Variants in SHLD2 observed in about 807,000 individuals in gnomAD.
The protein encoded by SHLD2 is shieldin complex subunit 2.
Under a neutral mutation model 73.2 loss-of-function variants are expected in SHLD2, and 30 were observed. The ratio of observed to expected loss-of-function variants is 0.41; its 90% confidence interval spans 0.31 to 0.56. The LOEUF is 0.56. SHLD2 is among the 20% of genes least tolerant of loss of function. The pLI is 0.28. For missense variants in SHLD2, 745 were observed against 1,055.9 expected (o/e 0.71, Z 4.08); for synonymous variants, 285 against 370.1 (o/e 0.77, Z 2.64).
intron 2 of SHLD2, chr10:87,115,184 G>A (rs1843169699): frequency 6.6e-6 from 1 of 152,248 alleles, no homozygotes; most frequent in Non-Finnish European, 1.5e-5. Flanking sequence ...AGAGTAGCTG[G>A]TATTACAGGC....
intron 2 of SHLD2, among the ~76,000 whole-genome samples, chr10:87,131,037 A>C (rs1253906427): frequency 6.6e-6 from 1 of 152,138 alleles, no homozygotes; most frequent in Non-Finnish European, 1.5e-5. Flanking sequence ...ACTGTACTCC[A>C]TCCTGGGTGA....
At chr10:87,156,585 G>T (rs528786300) in intron 3 of SHLD2, among the ~76,000 whole-genome samples, 2 of 152,262 alleles carry the variant, frequency 1.3e-5, no homozygotes, top group African/African-American at 4.8e-5. Flanking sequence ...AGGAGCTGGG[G>T]CATGTCAGTG....
At chr10:87,127,535 C>CCCCCCG (rs943625059) in intron 2 of SHLD2, among the ~76,000 whole-genome samples, 4,179 of 71,206 alleles carry the variant, frequency 0.059, 257 homozygotes, top group Middle Eastern at 0.11. Flanking sequence ...ACCCGCCCCC[C>CCCCCCG]CCCACCCCGT....
intron 4 of SHLD2, 34 bp downstream of exon 4, chr10:87,158,189 T>C (rs549293304): frequency 3.1e-6 from 5 of 1,593,006 alleles, no homozygotes; most frequent in East Asian, 4.5e-5. Flanking sequence ...AATGTAGTAG[T>C]GTTTAAAGTA....
At chr10:87,156,316 C>T (rs1238346065) in intron 3 of SHLD2, among the ~76,000 whole-genome samples, 13 of 152,098 alleles carry the variant, frequency 8.5e-5, no homozygotes, top group African/African-American at 1.7e-4. Context: ...CTGCCCACCT[C>T]GGCCTCCCAA....
rs762408418 is a variant in SHLD2, at chr10:87,180,132, A to G, written c.2228A>G (p.Gln743Arg). The change falls in exon 8 of 10, where the codon CAG (glutamine) becomes CGG (arginine). Residue 743 changes from glutamine to arginine, a missense_variant. This residue lies in a region of SHLD2 where 418 missense variants were observed against 567.8 expected (regional missense o/e 0.74). Transcript: ENST00000298786. ...CTGGCATTTCCTATTACAGCATCTC[A>G]GAAGATAGCGCTAAATGCTCACAGT... ...SELAFPITAS[Q>R]KIALNAHSSL... 1.2e-5 allele frequency: 20 copies of G among 1,613,798 alleles called. No individual in the cohort carries two copies. In the East Asian group the frequency reaches 4.5e-4, roughly 36 times the overall value.
intron 4 of SHLD2, among the ~76,000 whole-genome samples, chr10:87,160,340 T>A (rs1039726155): frequency 5.3e-5 from 8 of 151,912 alleles, no homozygotes; most frequent in Non-Finnish European, 1.0e-4. Flanking sequence ...TACGGAAAAA[T>A]TAGCCAGGTG....
chr10:87,170,443 A>G (rs1168337478), intron 4 of SHLD2, 35 bp from the exon 5 acceptor site: 3 of 1,387,762 alleles, frequency 2.2e-6, no homozygotes, highest in Non-Finnish European at 2.9e-6. Context: ...TAATGTTGCC[A>G]TCTTTTGTCT....
At chr10:87,165,580 A>G (rs1847141175) in intron 4 of SHLD2, among the ~76,000 whole-genome samples, 1 of 152,192 alleles carries the variant, frequency 6.6e-6, no homozygotes, top group Non-Finnish European at 1.5e-5. Flanking sequence ...AGGACGTTCT[A>G]CTAAATAATT....
At chr10:87,184,872 C>CTGTA (rs1233069409) in intron 8 of SHLD2, among the ~76,000 whole-genome samples, 2 of 152,198 alleles carry the variant, frequency 1.3e-5, no homozygotes, top group Admixed American at 6.5e-5. Context: ...GGTGTGCTTA[C>CTGTA]TGTAATTTGT....
chr10:87,118,182 A>AT (rs1843369838), intron 2 of SHLD2, among the ~76,000 whole-genome samples: 1 of 152,238 alleles, frequency 6.6e-6, no homozygotes, highest in Non-Finnish European at 1.5e-5. Flanking sequence ...GACTTGCTCC[A>AT]TAGGGTTCTC....
At chr10:87,179,953 A>G (rs1197256753) in intron 7 of SHLD2, 122 bp from the exon 8 acceptor site, 1 of 712,528 alleles carries the variant, frequency 1.4e-6, no homozygotes, top group Non-Finnish European at 2.5e-6. Flanking sequence ...ACGAAGAACA[A>G]GACCTCAGTG....
chr10:87,186,682 C>T (rs1222438021), intron 8 of SHLD2, among the ~76,000 whole-genome samples: 2 of 152,102 alleles, frequency 1.3e-5, no homozygotes, highest in Non-Finnish European at 2.9e-5. Context: ...ATTGTTAATC[C>T]AGTTCCCTGT....
chr10:87,157,960 G>C (rs1846549169), intron 3 of SHLD2, 88 bp from the exon 4 acceptor site: 7 of 1,078,108 alleles, frequency 6.5e-6, no homozygotes, highest in Non-Finnish European at 9.5e-6. Context: ...GTATATGGGA[G>C]GCATGCATAG....
At chr10:87,188,327 C>G (rs1338945622) in intron 9 of SHLD2, among the ~76,000 whole-genome samples, 1 of 152,136 alleles carries the variant, frequency 6.6e-6, no homozygotes, top group East Asian at 1.9e-4. Context: ...GTTTTTCAGT[C>G]CTCCCCCAGG....
Position 87,127,537 on chromosome 10 carries a change from C to CCCG in SHLD2, c.-5-23812_-5-23811insCGC, listed in dbSNP as rs1481382137. Among the ~76,000 whole-genome samples the CCCG allele has an allele frequency of 2.6e-5, 2 of 76,840 alleles. 1 individual carries two copies. The highest frequency in any genetic ancestry group is 1.1e-4 in the African/African-American group (2 of 17,422). 50.4% of individuals were successfully genotyped at this position (76,840 alleles called of 152,430 possible). A position where few individuals can be genotyped will look rare whatever the true frequency, so the allele number is the denominator to read the frequency against. On this transcript the variant is annotated intron_variant, in intron 2 of 9. Transcript: ENST00000298786. ...TTTTGTCCCTCTTACCCGCCCCCCCCCACCCCGTCTGCCACCCCCCGCCTC... is the reference window on the plus strand; with the variant it reads ...TTTTGTCCCTCTTACCCGCCCCCCCCCCGCACCCCGTCTGCCACCCCCCGCCTC...
chr10:87,189,193 G>T (rs1210464467), intron 9 of SHLD2, among the ~76,000 whole-genome samples: 3 of 152,048 alleles, frequency 2.0e-5, no homozygotes, highest in African/African-American at 4.8e-5. Context: ...TAGATATGGG[G>T]TTTCTCTATG....
At chr10:87,096,408 A>T (rs1316842328) in intron 1 of SHLD2, among the ~76,000 whole-genome samples, 2 of 151,930 alleles carry the variant, frequency 1.3e-5, no homozygotes, top group Non-Finnish European at 2.9e-5. Context: ...TACATACTTG[A>T]TAGGAAATGC....
chr10:87,176,625 A>C (rs1445550812), intron 7 of SHLD2, among the ~76,000 whole-genome samples: 1 of 152,278 alleles, frequency 6.6e-6, no homozygotes, highest in Non-Finnish European at 1.5e-5. Context: ...TTATATGACA[A>C]GTGGGAGCAG....
Sources: gnomAD v4.1 joint callset for allele counts (sites outside exome capture counted in the v4.1 genomes callset) on GRCh38, gnomAD v4.1.1 for gene constraint, gnomAD v4.1.1 regional missense constraint, MANE v1.5 for transcripts, NCBI Gene and HGNC (gene_info 2026-07-23, HGNC 2026-07-21) for gene names.